Variants in NCEH1 observed in about 807,000 individuals in gnomAD.
NCEH1 encodes 2-acetyl MAGE hydrolase.
A neutral mutation model predicts 25.4 loss-of-function variants in NCEH1; 9 were observed. The ratio of observed to expected loss-of-function variants is 0.35; its 90% confidence interval spans 0.21 to 0.62. The LOEUF (loss-of-function observed/expected upper bound fraction) is 0.62. Among genes scored for constraint, NCEH1 ranks in the 20% least tolerant of loss-of-function variants. The pLI is 0.72. For synonymous variants in NCEH1, 200 were observed against 199.8 expected, an observed-to-expected ratio of 1.00 and a Z score of -0.01; for missense variants, 412 against 501.1, an observed-to-expected ratio of 0.82 and a Z score of 1.70.
chr3:172,705,774 A>T (rs1386629143), intron 1 of NCEH1, among the ~76,000 whole-genome samples: 2 of 152,134 alleles, frequency 1.3e-5, no homozygotes, highest in East Asian at 1.9e-4. Flanking sequence ...AGGCTGGTGG[A>T]TCACCTGAGG....
At chr3:172,679,500 G>A (rs1332171790) in intron 1 of NCEH1, among the ~76,000 whole-genome samples, 4 of 150,734 alleles carry the variant, frequency 2.7e-5, no homozygotes, top group South Asian at 2.1e-4. Flanking sequence ...TGTATGTACC[G>A]CACACCCATC....
chr3:172,697,718 G>C (rs540313681), intron 1 of NCEH1, among the ~76,000 whole-genome samples: 1 of 152,140 alleles, frequency 6.6e-6, no homozygotes, highest in Non-Finnish European at 1.5e-5. Context: ...CATAACAGGA[G>C]ACTGTTGAAT....
At chr3:172,659,132 T>C (rs1429363619) in intron 1 of NCEH1, among the ~76,000 whole-genome samples, 3 of 152,070 alleles carry the variant, frequency 2.0e-5, no homozygotes, top group Admixed American at 1.3e-4. Context: ...TCACCCTCTA[T>C]TGCCATTCAT....
At chr3:172,635,579 A>C (rs931240294) in intron 4 of NCEH1, among the ~76,000 whole-genome samples, 1 of 152,194 alleles carries the variant, frequency 6.6e-6, no homozygotes, top group Non-Finnish European at 1.5e-5. Context: ...ATTTAAGCAA[A>C]AATACTCCGA....
At chr3:172,692,406 G>A (rs1377260422) in intron 1 of NCEH1, among the ~76,000 whole-genome samples, 1 of 152,170 alleles carries the variant, frequency 6.6e-6, no homozygotes, top group Non-Finnish European at 1.5e-5. Context: ...GCCCAAGCTA[G>A]AGGGCTGTGG....
intron 1 of NCEH1, among the ~76,000 whole-genome samples, chr3:172,658,111 A>T (rs116688617): frequency 0.013 from 1,944 of 152,328 alleles, 43 homozygotes; most frequent in African/African-American, 0.042. Flanking sequence ...AACAGGTTGC[A>T]GTAAAGTAGC....
At chr3:172,697,188 C>G (rs1025071171) in intron 1 of NCEH1, among the ~76,000 whole-genome samples, 1 of 151,944 alleles carries the variant, frequency 6.6e-6, no homozygotes, top group South Asian at 2.1e-4. Context: ...CTTGGCCTCC[C>G]AAAGTGCTAG....
At chr3:172,701,039 G>C (rs1371224218) in intron 1 of NCEH1, among the ~76,000 whole-genome samples, 2 of 152,064 alleles carry the variant, frequency 1.3e-5, no homozygotes, top group Non-Finnish European at 2.9e-5. Flanking sequence ...AAATCCTCCA[G>C]ATCTTACTGT....
At chr3:172,700,652 A>T (rs1713629989) in intron 1 of NCEH1, among the ~76,000 whole-genome samples, 1 of 152,198 alleles carries the variant, frequency 6.6e-6, no homozygotes, top group African/African-American at 2.4e-5. Context: ...GTGCCACCAC[A>T]TCTGGCTAAC....
intron 1 of NCEH1, among the ~76,000 whole-genome samples, chr3:172,654,611 A>G (rs1717605448): frequency 6.6e-6 from 1 of 152,246 alleles, no homozygotes; most frequent in Admixed American, 6.5e-5. Context: ...GTATGGTCAT[A>G]TTGAAGGGGA....
rs57327374 is a variant in NCEH1 at position 172,706,032 on chromosome 3, A to AC, written c.138+4814dup. Reference sequence around the variant, plus strand: ...AACCAAAAAAAAAAAAAAAAAAAAAACCCATGTCTTGTTTGCAGGCTCTGG... The same window carrying AC: ...AACCAAAAAAAAAAAAAAAAAAAAAACCCCATGTCTTGTTTGCAGGCTCTGG... On this transcript the variant is annotated intron_variant, in intron 1 of 4. Transcript: ENST00000475381. Among the ~76,000 whole-genome samples the AC allele has an allele frequency of 1.3e-3, 159 of 119,024 alleles. 1 individual carries two copies. The highest frequency in any genetic ancestry group is 4.6e-3 in the African/African-American group (152 of 33,178). The allele number at this position is 119,024 out of a possible 152,430, so 78.1% of individuals were successfully genotyped here. A position where few individuals can be genotyped will look rare whatever the true frequency, so the allele number is the denominator to read the frequency against.
At position 172,658,840 on chromosome 3, in the gene NCEH1, CTTTT is replaced by C. The variant is rs33955977; in HGVS notation, c.139-10730_139-10727del. ...AGGTTGTCTCTTTCCAATTCCAAAACTTTTTTTTTTTTTTTTTTTTTTTTTTTTT... is the reference window on the plus strand; with the variant it reads ...AGGTTGTCTCTTTCCAATTCCAAAACTTTTTTTTTTTTTTTTTTTTTTTTT... On this transcript the variant is annotated intron_variant, in intron 1 of 4. Transcript: ENST00000475381. Among the ~76,000 whole-genome samples the C allele has an allele frequency of 6.9e-3, 512 of 74,184 alleles. 2 individuals carry two copies. The highest frequency in any genetic ancestry group is 0.012 in the African/African-American group (209 of 17,062). The allele number at this position is 74,184 out of a possible 152,430, so 48.7% of individuals were successfully genotyped here. A position where few individuals can be genotyped will look rare whatever the true frequency, so the allele number is the denominator to read the frequency against.
chr3:172,658,505 T>C (rs1045085235), intron 1 of NCEH1, among the ~76,000 whole-genome samples: 1 of 152,204 alleles, frequency 6.6e-6, no homozygotes, highest in Non-Finnish European at 1.5e-5. Flanking sequence ...CATAGCAAAG[T>C]ATTGGACGGA....
rs994577939 is a variant in NCEH1 at position 172,640,456 on chromosome 3, C to CA, written c.438-4370dup. ...CCTTTCTACTGTTGCATCACAAGGT[C>CA]AAAAAAAAAGCAAAGCTTCCTTTCT... is the stretch of plus-strand genomic sequence containing the variant. On this transcript the variant is annotated intron_variant, in intron 3 of 4. Transcript: ENST00000475381. Among the ~76,000 whole-genome samples, 836 of 150,234 alleles carry CA rather than the reference C, an allele frequency of 5.6e-3. 8 individuals carry two copies. Among genetic ancestry groups the CA allele is most frequent in the African/African-American group, 0.019 (785 of 41,036 alleles).
chr3:172,688,330 CAAAAAAAAAAAAAAAAAA>C (rs11376665), intron 1 of NCEH1, among the ~76,000 whole-genome samples: 1 of 66,234 alleles, frequency 1.5e-5, no homozygotes, highest in Admixed American at 2.1e-4. Context: ...AACTCCACCT[CAAAAAAAAAAAAAAAAAA>C]AAAAGAAAAT....
intron 1 of NCEH1, among the ~76,000 whole-genome samples, chr3:172,677,283 CTG>C (rs941974818): frequency 1.1e-4 from 17 of 152,284 alleles, no homozygotes; most frequent in African/African-American, 2.9e-4. Context: ...TTTGAAAAAA[CTG>C]TGTCTTAAAT....
chr3:172,683,077 G>A (rs567861489), intron 1 of NCEH1, among the ~76,000 whole-genome samples: 3 of 152,302 alleles, frequency 2.0e-5, no homozygotes, highest in Middle Eastern at 3.4e-3. Context: ...GGCCAGATGC[G>A]GTGGCTTATG....
intron 1 of NCEH1, among the ~76,000 whole-genome samples, chr3:172,663,851 G>A (rs1036533437): frequency 2.6e-5 from 4 of 152,074 alleles, no homozygotes; most frequent in Non-Finnish European, 5.9e-5. Context: ...GAGCCTATGT[G>A]TGTCTCTGCA....
chr3:172,671,430 C>T (rs1336352245), intron 1 of NCEH1, among the ~76,000 whole-genome samples: 6 of 151,832 alleles, frequency 4.0e-5, no homozygotes, highest in East Asian at 1.9e-4. Flanking sequence ...GCATACCTTT[C>T]GGGTAAAATA....
Sources: allele counts gnomAD v4.1 joint callset (sites outside exome capture counted in the v4.1 genomes callset), GRCh38; gene constraint gnomAD v4.1.1; transcripts MANE v1.5; gene names NCBI Gene and HGNC (gene_info 2026-07-23, HGNC 2026-07-21).